MAN1A2: variants seen among roughly 807,000 people sequenced by gnomAD.
MAN1A2 encodes mannosyl-oligosaccharide 1,2-alpha-mannosidase IB.
Under a neutral mutation model 75.7 loss-of-function variants are expected in MAN1A2, and 26 were observed. That is an observed-to-expected ratio of 0.34 (90% confidence interval 0.25 to 0.48). The LOEUF is 0.48. Among genes scored for constraint, MAN1A2 ranks in the 20% least tolerant of loss-of-function variants. MAN1A2 has a pLI of 0.99. For synonymous variants in MAN1A2, 247 were observed against 264.6 expected (o/e 0.93, Z 0.65); for missense variants, 562 against 775.5 (o/e 0.72, Z 3.27).
intron 1 of MAN1A2, among the ~76,000 whole-genome samples, chr1:117,389,158 G>A (rs1653638199): frequency 1.3e-5 from 2 of 152,120 alleles, no homozygotes; most frequent in Non-Finnish European, 1.5e-5. Context: ...AAATATTGAA[G>A]CTAAAAGAAA....
chr1:117,456,571 A>G (rs943559646), intron 6 of MAN1A2, among the ~76,000 whole-genome samples: 7 of 152,142 alleles, frequency 4.6e-5, no homozygotes, highest in South Asian at 2.1e-4. Context: ...GGCACTTTCA[A>G]TTGACTCTTG....
chr1:117,517,851 A>T (rs1014687731), intron 12 of MAN1A2, among the ~76,000 whole-genome samples: 13 of 152,154 alleles, frequency 8.5e-5, no homozygotes, highest in African/African-American at 3.1e-4. Context: ...CTTTACCAAG[A>T]CACCTTATAA....
chr1:117,495,030 A>G (rs1323339447), intron 9 of MAN1A2: 1 of 151,724 alleles, frequency 6.6e-6, no homozygotes, highest in Non-Finnish European at 1.5e-5. Context: ...CTTTAAAACT[A>G]TTTTGACTTT....
intron 6 of MAN1A2, among the ~76,000 whole-genome samples, chr1:117,458,523 A>ATATT (rs1553236643): frequency 7.6e-5 from 8 of 105,598 alleles, no homozygotes; most frequent in Non-Finnish European, 1.4e-4. Flanking sequence ...ATATATATAT[A>ATATT]TTTTTTTTTT....
At chr1:117,420,177 A>C (rs1648140099) in intron 4 of MAN1A2, among the ~76,000 whole-genome samples, 1 of 152,048 alleles carries the variant, frequency 6.6e-6, no homozygotes, top group African/African-American at 2.4e-5. Context: ...AGTAAAAATT[A>C]TGCTGTAGTG....
chr1:117,398,381 T>A (rs1286648044), intron 1 of MAN1A2, among the ~76,000 whole-genome samples: 1 of 151,986 alleles, frequency 6.6e-6, no homozygotes, highest in East Asian at 1.9e-4. Flanking sequence ...GTAAAAGAAC[T>A]GAAAGAAGGT....
chr1:117,421,626 CT>C (rs576429295), intron 5 of MAN1A2, among the ~76,000 whole-genome samples: 124 of 145,124 alleles, frequency 8.5e-4, no homozygotes, highest in African/African-American at 2.4e-3. Context: ...TATGTACTAC[CT>C]TTTTTTTTTA....
intron 8 of MAN1A2, among the ~76,000 whole-genome samples, 180 bp from the exon 9 acceptor site, chr1:117,492,967 G>T (rs1650928081): frequency 6.6e-6 from 1 of 152,096 alleles, no homozygotes; most frequent in Admixed American, 6.6e-5. Context: ...ACATATAGAG[G>T]AAAGTGATTA....
At chr1:117,455,332 T>C (rs1005579780) in intron 6 of MAN1A2, among the ~76,000 whole-genome samples, 4 of 152,068 alleles carry the variant, frequency 2.6e-5, no homozygotes, top group Admixed American at 2.0e-4. Flanking sequence ...AATTGAGAAT[T>C]GTTTGAGACT....
chr1:117,504,532 T>C (rs1651291536), intron 12 of MAN1A2, among the ~76,000 whole-genome samples: 1 of 151,342 alleles, frequency 6.6e-6, no homozygotes, highest in Admixed American at 6.6e-5. Flanking sequence ...GGTCATCATC[T>C]TACATAATCA....
chr1:117,498,323 T>G (rs1446950562), intron 10 of MAN1A2, among the ~76,000 whole-genome samples: 3 of 151,856 alleles, frequency 2.0e-5, no homozygotes, highest in Non-Finnish European at 4.4e-5. Context: ...TTTGCAGATT[T>G]TGACCAAAAA....
At chr1:117,472,268 T>C (rs1001012364) in intron 8 of MAN1A2, among the ~76,000 whole-genome samples, 5 of 152,020 alleles carry the variant, frequency 3.3e-5, no homozygotes, top group Non-Finnish European at 5.9e-5. Context: ...TTAAATAAAC[T>C]ATTCAAATAT....
intron 11 of MAN1A2, among the ~76,000 whole-genome samples, chr1:117,502,054 A>G (rs762225906): frequency 2.6e-5 from 4 of 151,734 alleles, no homozygotes; most frequent in Non-Finnish European, 5.9e-5. Context: ...TTATTTAGGC[A>G]TGCCCAAAGA....
intron 1 of MAN1A2, among the ~76,000 whole-genome samples, chr1:117,392,621 G>A (rs1653761634): frequency 6.6e-6 from 1 of 152,136 alleles, no homozygotes; most frequent in Non-Finnish European, 1.5e-5. Context: ...ACTGAGTTAA[G>A]CTGAAATTAC....
intron 8 of MAN1A2, among the ~76,000 whole-genome samples, chr1:117,484,602 A>G (rs1055802263): frequency 6.6e-6 from 1 of 151,972 alleles, no homozygotes; most frequent in African/African-American, 2.4e-5. Flanking sequence ...TGCTCTTAAC[A>G]CTTGAGTTCA....
rs759342973 is a variant in MAN1A2, at chr1:117,368,250, T to G, written c.67T>G (p.Ser23Ala). 1.9e-6 allele frequency: 3 copies of G among 1,614,034 alleles called. No individual in the cohort carries two copies. The highest frequency in any genetic ancestry group is 2.7e-5 in the African/African-American group (2 of 74,920). The change falls in exon 1 of 13, where the codon TCC (serine) becomes GCC (alanine). Residue 23 changes from serine to alanine, a missense_variant. By Grantham distance (99) the Ser-to-Ala change is moderately conservative. Coordinates refer to ENST00000356554, the MANE Select transcript of MAN1A2 (RefSeq NM_006699.5). Reference protein sequence around the residue: ...RIPPLNLGPPSFPHHRATLRL... With the variant: ...RIPPLNLGPPAFPHHRATLRL... The stretch of plus-strand genomic sequence containing the variant: ...ACCACCTCTGAACCTGGGGCCGCCT[T>G]CCTTCCCACATCACAGGGCTACCTT...
chr1:117,437,152 A>C (rs1570744197), intron 5 of MAN1A2, among the ~76,000 whole-genome samples: 1 of 152,338 alleles, frequency 6.6e-6, no homozygotes, highest in Admixed American at 6.5e-5. Context: ...CAAAGAGGGA[A>C]AATAAGCAAA....
Position 117,414,406 on chromosome 1 carries a change from G to A in MAN1A2, c.656-307G>A, listed in dbSNP as rs1304095828. ...GTAGATAGATATCTCATATTCTGACGAGGCAGAAAATTAAGGAAAAGTATG... is the reference window on the plus strand; with the variant it reads ...GTAGATAGATATCTCATATTCTGACAAGGCAGAAAATTAAGGAAAAGTATG... On this transcript the variant is annotated intron_variant, in intron 3 of 12. Transcript: ENST00000356554. 3.3e-5 allele frequency among the ~76,000 whole-genome samples: 5 copies of A among 150,776 alleles called. No homozygotes were observed. In the South Asian group the frequency reaches 8.3e-4, roughly 25 times the overall value.
chr1:117,427,263 G>A (rs1275756173), intron 5 of MAN1A2, among the ~76,000 whole-genome samples: 1 of 152,026 alleles, frequency 6.6e-6, no homozygotes, highest in Admixed American at 6.6e-5. Context: ...ACTATGCCCA[G>A]TGACATAAAG....
Sources: gnomAD v4.1 joint callset for allele counts (sites outside exome capture counted in the v4.1 genomes callset) on GRCh38, gnomAD v4.1.1 for gene constraint, MANE v1.5 for transcripts, NCBI Gene and HGNC (gene_info 2026-07-23, HGNC 2026-07-21) for gene names.